The following CHRDL2 variants were observed in gnomAD, a reference collection of about 807,000 sequenced individuals.
The protein encoded by CHRDL2 is chordin-like protein 2.
A neutral mutation model predicts 54.3 loss-of-function variants in CHRDL2; 41 were observed. The ratio of observed to expected loss-of-function variants is 0.76; its 90% CI spans 0.59 to 0.98. The LOEUF (loss-of-function observed/expected upper bound fraction) is 0.98, where lower values mean the gene tolerates loss of function less well. Ranked by LOEUF, CHRDL2 falls within the 50% of genes least tolerant of loss-of-function variation. The pLI is 0.00. For missense variants in CHRDL2, 518 were observed against 562.4 expected, an observed-to-expected ratio of 0.92 and a Z score of 0.80; for synonymous variants, 220 against 224.3, an observed-to-expected ratio of 0.98 and a Z score of 0.17.
At position 74,710,089 on chromosome 11, in the gene CHRDL2, G is replaced by A. The variant is rs530738504; in HGVS notation, c.432+760C>T. ...AAATTAGCTGGGCGTGGTGGTGGGC[G>A]CCTGTAGTCCCAGCTACTCGGGAGT... On this transcript the variant is annotated intron_variant, in intron 4 of 10. Transcript: ENST00000376332. Among the ~76,000 whole-genome samples the A allele has an allele frequency of 3.2e-3, 492 of 152,072 alleles. 1 individual carries two copies. The highest frequency in any genetic ancestry group is 0.011 in the African/African-American group (457 of 41,446).
chr11:74,702,710 G>A (rs569299220), intron 9 of CHRDL2, 84 bp downstream of exon 9: 83 of 1,448,960 alleles, frequency 5.7e-5, no homozygotes, highest in South Asian at 1.3e-4. Flanking sequence ...TCAGCAAAAC[G>A]TCCCTAAGGC....
chr11:74,697,428 T>C, intron 9 of CHRDL2, 131 bp from the exon 10 acceptor site: 1 of 650,148 alleles, frequency 1.5e-6, no homozygotes, highest in Non-Finnish European at 2.8e-6. Flanking sequence ...AGACACAAAA[T>C]CCTGCTGATG....
chr11:74,698,676 TACACACACACACACAC>T (rs56835377), intron 9 of CHRDL2: 30 of 136,320 alleles, frequency 2.2e-4, no homozygotes, highest in African/African-American at 5.0e-4. Context: ...GATGAACAAA[TACACACACACACACAC>T]ACACACACAC....
intron 4 of CHRDL2, among the ~76,000 whole-genome samples, 187 bp downstream of exon 4, chr11:74,710,662 T>G (rs1438681971): frequency 6.6e-6 from 1 of 152,126 alleles, no homozygotes; most frequent in African/African-American, 2.4e-5. Context: ...GTGTGGAAGC[T>G]CAGAGAATGG....
At chr11:74,728,544 T>C (rs555348632) in intron 1 of CHRDL2, among the ~76,000 whole-genome samples, 1 of 151,842 alleles carries the variant, frequency 6.6e-6, no homozygotes, top group Non-Finnish European at 1.5e-5. Flanking sequence ...GTTGTTGTTG[T>C]TGTTGTTTTT....
intron 1 of CHRDL2, among the ~76,000 whole-genome samples, chr11:74,727,997 C>A (rs1338662939): frequency 6.6e-6 from 1 of 152,074 alleles, no homozygotes; most frequent in Non-Finnish European, 1.5e-5. Flanking sequence ...AGGGACCCAG[C>A]CTGGGTAAGG....
At chr11:74,708,201 G>T in intron 5 of CHRDL2, 101 bp downstream of exon 5, 1 of 763,768 alleles carries the variant, frequency 1.3e-6, no homozygotes, top group Non-Finnish European at 2.0e-6. Context: ...TCTGCTACAT[G>T]CTGGGTGTCA....
chr11:74,709,282 C>T (rs2034112231), intron 4 of CHRDL2, among the ~76,000 whole-genome samples: 1 of 152,212 alleles, frequency 6.6e-6, no homozygotes, highest in South Asian at 2.1e-4. Context: ...CTCATCCAGG[C>T]CTCATCCCTT....
At chr11:74,719,594 G>A (rs951022804) in intron 1 of CHRDL2, among the ~76,000 whole-genome samples, 4 of 152,118 alleles carry the variant, frequency 2.6e-5, no homozygotes, top group African/African-American at 9.7e-5. Context: ...TTGGTGAGCC[G>A]TGATGAGAAG....
chr11:74,711,773 G>C (rs1167125022), intron 3 of CHRDL2, among the ~76,000 whole-genome samples: 1 of 151,738 alleles, frequency 6.6e-6, no homozygotes, highest in Non-Finnish European at 1.5e-5. Flanking sequence ...CTAGGAGTTC[G>C]AGACTGGCCT....
chr11:74,731,085 G>A lies in CHRDL2; in HGVS notation c.-197C>T. On this transcript the variant is annotated 5_prime_UTR_variant, in exon 1 of 11. Coordinates refer to ENST00000376332, the MANE Select transcript of CHRDL2 (RefSeq NM_001278473.3). This position sits in a 1 kb window ranked among gnomAD's most constrained non-coding sequence, Gnocchi z 4.4. ...GAAGGGAGGTCTAAGGTGGGAAGAAGAGAAAGGTGGAAAGAGAACGCGGGG... is the reference window on the plus strand; with the variant it reads ...GAAGGGAGGTCTAAGGTGGGAAGAAAAGAAAGGTGGAAAGAGAACGCGGGG... 1 of 585,268 alleles carries A rather than the reference G, an allele frequency of 1.7e-6. No homozygotes were observed. The highest frequency in any genetic ancestry group is 3.0e-6 in the Non-Finnish European group (1 of 328,232). 36.3% of individuals were successfully genotyped at this position (585,268 alleles called of 1,614,324 possible). A position where few individuals can be genotyped will look rare whatever the true frequency, so the allele number is the denominator to read the frequency against.
chr11:74,713,583 G>T, intron 2 of CHRDL2, 104 bp from the exon 3 acceptor site: 1 of 838,680 alleles, frequency 1.2e-6, no homozygotes, highest in Non-Finnish European at 1.9e-6. Flanking sequence ...GTCTGAACTT[G>T]TCGTAAGCCT....
At chr11:74,715,794 C>T (rs2034332783) in intron 2 of CHRDL2, among the ~76,000 whole-genome samples, 1 of 151,352 alleles carries the variant, frequency 6.6e-6, no homozygotes, top group African/African-American at 2.4e-5. Flanking sequence ...GCCTGGACAA[C>T]ATGGTAAAAC....
chr11:74,708,479 C>A (rs1008659364), intron 4 of CHRDL2, 84 bp from the exon 5 acceptor site: 7 of 1,050,768 alleles, frequency 6.7e-6, no homozygotes, highest in Admixed American at 5.6e-5. Flanking sequence ...TCCCTGGGAG[C>A]AAATGGCCTT....
Position 74,730,877 on chromosome 11 carries a change from C to T in CHRDL2, c.12G>A (p.Glu4=), listed in dbSNP as rs765776304. ...CCAGCAAGGAGGAGAGGACCCTCAC[C>T]TCGGGAACCATCCTTTCCCCAGGGT... MVP[E]VRVLSSLLGL... Residue 4 remains glutamate, a synonymous_variant, in exon 1 of 11, where the codon GAG becomes GAA. Transcript: ENST00000376332. 2 of 1,610,738 alleles carry T rather than the reference C, an allele frequency of 1.2e-6. No individual in the cohort carries two copies. Among genetic ancestry groups the T allele is most frequent in the African/African-American group, 2.7e-5 (2 of 74,906 alleles).
intron 9 of CHRDL2, among the ~76,000 whole-genome samples, chr11:74,700,195 C>T (rs1165260927): frequency 2.0e-5 from 3 of 152,176 alleles, no homozygotes; most frequent in African/African-American, 7.2e-5. Context: ...GGCATTAATA[C>T]GTGCCCCTTA....
At chr11:74,721,043 T>C (rs1197480955) in intron 1 of CHRDL2, among the ~76,000 whole-genome samples, 2 of 152,122 alleles carry the variant, frequency 1.3e-5, no homozygotes, top group African/African-American at 4.8e-5. Context: ...CTCCGCAAAG[T>C]GGAGGAGCGA....
chr11:74,703,508 G>T lies in CHRDL2; in HGVS notation c.752-9C>A, dbSNP rs1489896301. 3.2e-6 allele frequency: 5 copies of T among 1,572,144 alleles called. No homozygotes were observed. The African/African-American group carries it at 4.0e-5, about 13-fold the overall frequency. ...CCCGCCATGCACACAGGCTGAATAA[G>T]GAGGGTGAGAAGGAAGGAGGATCAG... On this transcript the variant is annotated splice_polypyrimidine_tract_variant and intron_variant, in intron 7 of 10. Transcript: ENST00000376332.
chr11:74,718,935 C>T (rs930228994), intron 1 of CHRDL2, 103 bp from the exon 2 acceptor site: 9 of 720,208 alleles, frequency 1.2e-5, no homozygotes, highest in Non-Finnish European at 2.1e-5. Context: ...TCATCTGGGC[C>T]ACTCAGGCAA....
Sources: allele counts gnomAD v4.1 joint callset (sites outside exome capture counted in the v4.1 genomes callset), GRCh38; gene constraint gnomAD v4.1.1; non-coding constraint Gnocchi (gnomAD v3.1); transcripts MANE v1.5; gene names NCBI Gene and HGNC (gene_info 2026-07-23, HGNC 2026-07-21).